Variants in ABCC9 observed in about 807,000 individuals in gnomAD.
The protein encoded by ABCC9 is ATP binding cassette subfamily C member 9.
ABCC9 carries 95 observed loss-of-function variants against 188.3 expected under a neutral mutation model. The observed-to-expected ratio is 0.50, with a 90% confidence interval of 0.43 to 0.60. The LOEUF is 0.60. Among genes scored for constraint, ABCC9 ranks in the 20% least tolerant of loss-of-function variants. The pLI is 0.00. For synonymous variants in ABCC9, 659 were observed against 652.7 expected (o/e 1.01, Z -0.15); for missense variants, 1,102 against 1,876.3 (o/e 0.59, Z 7.62).
chr12:21,904,794 G>T (rs1015023521), intron 12 of ABCC9, among the ~76,000 whole-genome samples: 1 of 152,190 alleles, frequency 6.6e-6, no homozygotes, highest in Non-Finnish European at 1.5e-5. Flanking sequence ...TGCTGGAGAG[G>T]ATGTGGAGAA....
At chr12:21,809,978 T>C (rs892283442) in intron 36 of ABCC9, 23 bp from the exon 37 acceptor site, 4 of 1,378,340 alleles carry the variant, frequency 2.9e-6, no homozygotes, top group Non-Finnish European at 4.1e-6. Context: ...ATTAGTTAAT[T>C]AGTCAATAAG....
chr12:21,803,700 A>G (rs1941647029), intron 39 of ABCC9, among the ~76,000 whole-genome samples: 1 of 152,250 alleles, frequency 6.6e-6, no homozygotes, highest in African/African-American at 2.4e-5. Context: ...GGTCAACAGA[A>G]ATAAATATAG....
intron 30 of ABCC9, among the ~76,000 whole-genome samples, chr12:21,830,001 A>C (rs1353164526): frequency 6.6e-6 from 1 of 152,202 alleles, no homozygotes; most frequent in African/African-American, 2.4e-5. Flanking sequence ...AAATTCTGAA[A>C]TATTTGTAAG....
chr12:21,851,966 T>C, intron 24 of ABCC9, 131 bp downstream of exon 24: 1 of 1,108,794 alleles, frequency 9.0e-7, no homozygotes, highest in South Asian at 1.5e-5. Flanking sequence ...ACAATTGCTT[T>C]GGATTTCAGA....
intron 16 of ABCC9, among the ~76,000 whole-genome samples, chr12:21,880,597 ATATATCT>A (rs1203128480): frequency 2.0e-5 from 3 of 152,188 alleles, no homozygotes; most frequent in Non-Finnish European, 2.9e-5. Context: ...ATTTTCATAA[ATATATCT>A]TATATCGAAA....
chr12:21,874,450 A>C (rs779469422), intron 17 of ABCC9, among the ~76,000 whole-genome samples: 6 of 152,190 alleles, frequency 3.9e-5, no homozygotes, highest in Non-Finnish European at 8.8e-5. Flanking sequence ...AACAGTATAG[A>C]GGTTCCTCGA....
At chr12:21,854,765 G>T (rs536408655) in intron 22 of ABCC9, among the ~76,000 whole-genome samples, 2 of 152,150 alleles carry the variant, frequency 1.3e-5, no homozygotes, top group South Asian at 2.1e-4. Context: ...TTGATAACTG[G>T]TAGAGAATTC....
chr12:21,854,980 A>C (rs1945149193), intron 22 of ABCC9, among the ~76,000 whole-genome samples: 1 of 152,176 alleles, frequency 6.6e-6, no homozygotes, highest in South Asian at 2.1e-4. Flanking sequence ...AAATCTTGAT[A>C]TCAGCAAATT....
rs1019820327 is a variant in ABCC9 at position 21,871,354 on chromosome 12, TAA to T, written c.2198+1269_2198+1270del. On this transcript the variant is annotated intron_variant, in intron 18 of 39. Coordinates refer to ENST00000261200, the MANE Select transcript of ABCC9 (RefSeq NM_020297.4). The stretch of plus-strand genomic sequence containing the variant: ...ACTGAGCTCTCTGCTGGGTATGCGC[TAA>T]ACAGTTGCAAGGCTATCTGCTAGAT... Among the ~76,000 whole-genome samples the T allele has an allele frequency of 3.9e-5, 6 of 152,172 alleles. 1 individual carries two copies. Among genetic ancestry groups the T allele is most frequent in the Admixed American group, 3.9e-4 (6 of 15,274 alleles).
At chr12:21,819,892 T>A (rs1309976128) in intron 31 of ABCC9, among the ~76,000 whole-genome samples, 6 of 152,212 alleles carry the variant, frequency 3.9e-5, no homozygotes, top group African/African-American at 1.4e-4. Flanking sequence ...AAATACTTTT[T>A]TGATTGCCTC....
At chr12:21,899,567 G>T (rs1565461558) in intron 12 of ABCC9, among the ~76,000 whole-genome samples, 1 of 152,176 alleles carries the variant, frequency 6.6e-6, no homozygotes, top group Non-Finnish European at 1.5e-5. Context: ...CTAGCCAAGG[G>T]AGGCTGTGAC....
intron 22 of ABCC9, among the ~76,000 whole-genome samples, chr12:21,857,695 C>CA (rs777426655): frequency 2.0e-5 from 3 of 152,054 alleles, no homozygotes; most frequent in African/African-American, 7.3e-5. Flanking sequence ...TAAAAATAGT[C>CA]AGAGAGACAT....
intron 21 of ABCC9, 149 bp from the exon 22 acceptor site, chr12:21,859,815 T>A (rs1945414855): frequency 1.3e-6 from 1 of 756,608 alleles, no homozygotes; most frequent in South Asian, 1.5e-5. Context: ...TAAGAAAACA[T>A]GGAAACTGTC....
intron 39 of ABCC9, among the ~76,000 whole-genome samples, chr12:21,804,978 A>G (rs1296599122): frequency 6.6e-6 from 1 of 152,216 alleles, no homozygotes. Context: ...ATATTTGAAA[A>G]CACATGCATG....
intron 4 of ABCC9, among the ~76,000 whole-genome samples, chr12:21,929,952 T>C (rs1949209039): frequency 6.6e-6 from 1 of 151,908 alleles, no homozygotes; most frequent in Non-Finnish European, 1.5e-5. Flanking sequence ...TCATTTACAT[T>C]AGGTATATCT....
At position 21,925,985 on chromosome 12, in the gene ABCC9, A is replaced by G. The variant is rs935662328; in HGVS notation, c.363T>C (p.Tyr121=). The change falls in exon 5 of 40, where the codon TAT becomes TAC. Residue 121 remains tyrosine (Y), a synonymous_variant. Transcript: ENST00000261200. ...AATTTGATGTTTCGATATTATGATA[A>G]TACACTATCGATGTTGTAGTGGCAA... ...GFVATTTSIV[Y]YHNIETSNFP... 2 of 1,613,402 alleles carry G rather than the reference A, an allele frequency of 1.2e-6. No homozygotes were observed. The highest frequency in any genetic ancestry group is 1.7e-6 in the Non-Finnish European group (2 of 1,179,318).
intron 2 of ABCC9, among the ~76,000 whole-genome samples, chr12:21,939,370 T>G (rs189248140): frequency 7.2e-5 from 11 of 152,182 alleles, no homozygotes; most frequent in Admixed American, 6.5e-4. Context: ...CAACCCAACA[T>G]GGACAAAAAG....
chr12:21,872,981 A>G (rs1389981914), intron 17 of ABCC9, among the ~76,000 whole-genome samples: 1 of 151,840 alleles, frequency 6.6e-6, no homozygotes, highest in African/African-American at 2.4e-5. Context: ...TAATGAAATA[A>G]TTGCCTAGAT....
At chr12:21,818,788 C>T (rs1942848160) in intron 31 of ABCC9, among the ~76,000 whole-genome samples, 1 of 151,466 alleles carries the variant, frequency 6.6e-6, no homozygotes, top group South Asian at 2.1e-4. Flanking sequence ...TAGTGAGGCC[C>T]TTGCAGAAAT....
Sources: gnomAD v4.1 joint callset for allele counts (sites outside exome capture counted in the v4.1 genomes callset) on GRCh38, gnomAD v4.1.1 for gene constraint, MANE v1.5 for transcripts, NCBI Gene and HGNC (gene_info 2026-07-23, HGNC 2026-07-21) for gene names.